Variants in HEATR4 observed in about 807,000 individuals in gnomAD.
The protein encoded by HEATR4 is HEAT repeat-containing protein 4.
HEATR4 carries 95 observed loss-of-function variants against 108.8 expected under a neutral mutation model. The ratio of observed to expected loss-of-function variants is 0.87; its 90% CI spans 0.74 to 1.04. HEATR4 has a LOEUF of 1.04. HEATR4 is among the 50% of genes least tolerant of loss of function. HEATR4 has a pLI of 0.00. For missense variants in HEATR4, 1,152 were observed against 1,253.8 expected (o/e 0.92, Z 1.23); for synonymous variants, 443 against 459.4 (o/e 0.96, Z 0.46).
rs1317181908 is a variant in HEATR4, at chr14:73,509,429, C to A, written c.1603G>T (p.Glu535Ter). The A allele has an allele frequency of 6.2e-7, 1 of 1,614,070 alleles. No individual in the cohort carries two copies. Among genetic ancestry groups the A allele is most frequent in the South Asian group, 1.1e-5 (1 of 91,074 alleles). ...GCATTCTTGTCACAAAGAGCAGCCT[C>A]TAGGGCAGGCAGTAGAACCTCCGGC... ...DLPEVLLPAL[E>*]AALCDKNAHV... is the part of the protein sequence containing the mutation. Residue 535 changes from glutamate to a stop codon, truncating the protein, a stop_gained, in exon 8 of 18, where the codon GAG becomes TAG. Coordinates refer to ENST00000553558, the MANE Select transcript of HEATR4 (RefSeq NM_001220484.1). LOFTEE classifies it high-confidence loss of function.
the HEATR4 span, chr14:73,593,711 C>G: frequency 6.2e-7 from 1 of 1,609,520 alleles, no homozygotes. Context: ...GGACCTGGAC[C>G]CTTCCCAGGG....
At chr14:73,505,380 G>T (rs1360205798) in intron 10 of HEATR4, among the ~76,000 whole-genome samples, 1 of 151,554 alleles carries the variant, frequency 6.6e-6, no homozygotes, top group South Asian at 2.1e-4. Flanking sequence ...TGGGACAATG[G>T]TTTTTTTGTT....
At chr14:73,630,319 C>A in the HEATR4 span, among the ~76,000 whole-genome samples, 1 of 152,232 alleles carries the variant, frequency 6.6e-6, no homozygotes. Context: ...CAACAGACAG[C>A]ATAAACATTA....
At chr14:73,575,817 GTGTC>G in the HEATR4 span, among the ~76,000 whole-genome samples, 3 of 151,986 alleles carry the variant, frequency 2.0e-5, no homozygotes, top group African/African-American at 7.2e-5. Context: ...TCAATTAACA[GTGTC>G]TGGTACGTAA....
chr14:73,577,706 G>A, the HEATR4 span, among the ~76,000 whole-genome samples: 31 of 152,032 alleles, frequency 2.0e-4, 1 homozygote, highest in Non-Finnish European at 3.8e-4. Context: ...TCGGGCTGGT[G>A]AATATTAAAA....
intron 17 of HEATR4, chr14:73,491,868 C>T (rs1268929939): frequency 1.2e-6 from 2 of 1,610,872 alleles, no homozygotes; most frequent in Middle Eastern, 1.7e-4. Flanking sequence ...GCGCTGCCCG[C>T]CGCCGCGTGG....
chr14:73,597,129 G>A, the HEATR4 span, among the ~76,000 whole-genome samples: 409 of 151,376 alleles, frequency 2.7e-3, 1 homozygote, highest in African/African-American at 9.6e-3. Flanking sequence ...TGTCACCCAG[G>A]CTGGAGTGCA....
the HEATR4 span, among the ~76,000 whole-genome samples, chr14:73,630,455 A>T: frequency 1.7e-3 from 254 of 152,294 alleles, 1 homozygote; most frequent in African/African-American, 5.7e-3. Context: ...TTCTTTACCT[A>T]CAACTGTCTT....
intron 11 of HEATR4, 23 bp downstream of exon 11, chr14:73,502,872 T>A: frequency 6.4e-7 from 1 of 1,550,790 alleles, no homozygotes; most frequent in Non-Finnish European, 8.9e-7. Context: ...GAAGAGTGTC[T>A]CCTCATGTTG....
At chr14:73,583,548 C>T in the HEATR4 span, among the ~76,000 whole-genome samples, 2 of 146,030 alleles carry the variant, frequency 1.4e-5, no homozygotes, top group African/African-American at 2.5e-5. Context: ...GGTGATGGTT[C>T]GACAGTTACC....
Position 73,544,798 on chromosome 14 carries a change from G to C in HEATR4, c.-152+13953C>G, listed in dbSNP as rs1190918895. ...CAAACAAATACCAGACATTGTGGCG[G>C]ATGCCTGTAGTCCCAGCTACTGGGG... On this transcript the variant is annotated intron_variant, in intron 1 of 17. Transcript: ENST00000553558. Among the ~76,000 whole-genome samples, 2 of 112,058 alleles carry C rather than the reference G, an allele frequency of 1.8e-5. 1 individual carries two copies. The highest frequency in any genetic ancestry group is 3.9e-5 in the Non-Finnish European group (2 of 51,616). 73.5% of individuals were successfully genotyped at this position (112,058 alleles called of 152,430 possible). A position where few individuals can be genotyped will look rare whatever the true frequency, so the allele number is the denominator to read the frequency against.
the HEATR4 span, among the ~76,000 whole-genome samples, chr14:73,584,321 G>A: frequency 6.7e-6 from 1 of 150,290 alleles, no homozygotes; most frequent in Admixed American, 6.6e-5. Flanking sequence ...ACTCTGCTCT[G>A]AAACTCACCT....
In HEATR4 at chr14:73,550,167, A is replaced by G. The variant is rs113698761; in HGVS notation, c.-152+8584T>C. Among the ~76,000 whole-genome samples the G allele has an allele frequency of 1.9e-3, 214 of 112,294 alleles. 36 individuals carry two copies. Among genetic ancestry groups the G allele is most frequent in the African/African-American group, 4.0e-3 (134 of 33,558 alleles). The allele number at this position is 112,294 out of a possible 152,430, so 73.7% of individuals were successfully genotyped here. On this transcript the variant is annotated intron_variant, in intron 1 of 17. Coordinates refer to ENST00000553558, the MANE Select transcript of HEATR4 (RefSeq NM_001220484.1). ...GATAACAACTGGAACATTATAAAAC[A>G]TTAACTTTTCCATTTGAGATATTCT... is the stretch of plus-strand genomic sequence containing the variant.
chr14:73,542,400 T>C (rs147927875), intron 1 of HEATR4, among the ~76,000 whole-genome samples: 1,633 of 103,740 alleles, frequency 0.016, 364 homozygotes, highest in African/African-American at 0.054. Context: ...ATGTTTTTTC[T>C]TTCTTTTTTT....
At chr14:73,501,536 A>C (rs1886459360) in intron 11 of HEATR4, among the ~76,000 whole-genome samples, 1 of 144,622 alleles carries the variant, frequency 6.9e-6, no homozygotes, top group Non-Finnish European at 1.5e-5. Context: ...ATAGGCACTT[A>C]CCCACTCTGC....
the HEATR4 span, chr14:73,575,433 G>A: frequency 1.7e-5 from 23 of 1,383,770 alleles, no homozygotes; most frequent in African/African-American, 3.7e-5. Flanking sequence ...CATGGCTCAG[G>A]TGGATGCTTG....
the HEATR4 span, among the ~76,000 whole-genome samples, chr14:73,597,144 C>T: frequency 2.0e-5 from 3 of 151,840 alleles, no homozygotes; most frequent in African/African-American, 4.8e-5. Context: ...AGTGCAATGG[C>T]GCAATCTCAG....
chr14:73,575,730 A>T, the HEATR4 span: 1 of 414,464 alleles, frequency 2.4e-6, no homozygotes, highest in African/African-American at 2.1e-5. Flanking sequence ...GAAACACAAG[A>T]AGTGGAAAAA....
At chr14:73,591,875 A>G in the HEATR4 span, 3 of 1,276,182 alleles carry the variant, frequency 2.4e-6, no homozygotes, top group African/African-American at 3.1e-5. Flanking sequence ...GGGACGCCGG[A>G]CGCCGTCCGG....
Sources: allele counts gnomAD v4.1 joint callset (sites outside exome capture counted in the v4.1 genomes callset), GRCh38; gene constraint gnomAD v4.1.1; transcripts MANE v1.5; gene names NCBI Gene and HGNC (gene_info 2026-07-23, HGNC 2026-07-21).